Variants in ADGRB2 observed in about 807,000 individuals in gnomAD.
ADGRB2 encodes the protein brain-specific angiogenesis inhibitor 2.
Under a neutral mutation model 178.7 loss-of-function variants are expected in ADGRB2, and 47 were observed. The observed-to-expected ratio is 0.26, with a 90% confidence interval of 0.21 to 0.34. The LOEUF (loss-of-function observed/expected upper bound fraction) is 0.34, where lower values mean the gene tolerates loss of function less well. Among genes scored for constraint, ADGRB2 ranks in the 10% least tolerant of loss-of-function variants. The probability of loss-of-function intolerance (pLI) is 1.00; values close to 1 mark genes in which losing one functional copy is unlikely to be tolerated. For missense variants in ADGRB2, 1,584 were observed against 2,180.8 expected (o/e 0.73, Z 5.45); for synonymous variants, 870 against 912.4 (o/e 0.95, Z 0.84).
Position 31,743,009 on chromosome 1 carries a change from G to A in ADGRB2, c.1088-7C>T, listed in dbSNP as rs1338682423. The A allele has an allele frequency of 6.9e-7, 1 of 1,448,982 alleles. No homozygotes were observed. The highest frequency in any genetic ancestry group is 1.4e-5 in the South Asian group (1 of 72,472). 89.8% of individuals were successfully genotyped at this position (1,448,982 alleles called of 1,614,324 possible). A position where few individuals can be genotyped will look rare whatever the true frequency, so the allele number is the denominator to read the frequency against. ...TCCTCCCACACGCCGTGCACTGCAA[G>A]GAAGCACGTGGCCGGTGGCTGGGCG... On this transcript the variant is annotated splice_region_variant and splice_polypyrimidine_tract_variant and intron_variant, in intron 6 of 32. Transcript: ENST00000373658.
At chr1:31,736,170 T>A (rs563094048) in intron 22 of ADGRB2, 151 bp downstream of exon 22, 2 of 1,014,206 alleles carry the variant, frequency 2.0e-6, no homozygotes, top group Admixed American at 2.0e-5. Flanking sequence ...CCTAGCACAT[T>A]CCCTCAGTCA....
chr1:31,740,613 C>T lies in ADGRB2; in HGVS notation c.1795-72G>A. ...AACCAGACCCTGGCCCATCCCACTC[C>T]AGTCCACCCACTGCTTGCATCCACG... On this transcript the variant is annotated intron_variant, in intron 11 of 32. Coordinates refer to ENST00000373658, the MANE Select transcript of ADGRB2 (RefSeq NM_001364857.2). The surrounding 1 kb of genome is among the most constrained non-coding windows in gnomAD (Gnocchi z 5.9). The T allele has an allele frequency of 1.4e-6, 2 of 1,442,188 alleles. No homozygotes were observed. The highest frequency in any genetic ancestry group is 1.8e-6 in the Non-Finnish European group (2 of 1,081,388). The allele number at this position is 1,442,188 out of a possible 1,614,324, so 89.3% of individuals were successfully genotyped here. A position where few individuals can be genotyped will look rare whatever the true frequency, so the allele number is the denominator to read the frequency against.
At chr1:31,742,641 TGTCAGGGCTAGGGGTCAA>T (rs1299541735) in intron 7 of ADGRB2, among the ~76,000 whole-genome samples, 179 bp downstream of exon 7, 3 of 152,232 alleles carry the variant, frequency 2.0e-5, no homozygotes, top group East Asian at 1.9e-4. Context: ...TACTAACTCA[TGTCAGGGCTAGGGGTCAA>T]GTCAGGGCTA....
rs1199140904 is a variant in ADGRB2 at position 31,733,763 on chromosome 1, G to C, written c.3453-620C>G. On this transcript the variant is annotated intron_variant, in intron 25 of 32. Transcript: ENST00000373658. This position sits in a 1 kb window ranked among gnomAD's most constrained non-coding sequence, Gnocchi z 4.3. ...CTCAGAGCCTTGGGCAGAAGGCTCA[G>C]AGCTGGGGCTAAAAGCTGGGGTCGG... 6.6e-6 allele frequency among the ~76,000 whole-genome samples: 1 copy of C among 152,164 alleles called. No homozygotes were observed. Among genetic ancestry groups the C allele is most frequent in the Non-Finnish European group, 1.5e-5 (1 of 68,022 alleles).
chr1:31,759,380 T>C lies in ADGRB2; in HGVS notation c.-190-1869A>G. On this transcript the variant is annotated intron_variant, in intron 1 of 32. Coordinates refer to ENST00000373658, the MANE Select transcript of ADGRB2 (RefSeq NM_001364857.2). This position sits in a 1 kb window ranked among gnomAD's most constrained non-coding sequence, Gnocchi z 4.3. ...CAGCTAAGTGTCAGGCAGGATCCTC[T>C]GCGGGGTCTTCCTTTGCATGTCTGA... 1 of 779,670 alleles carries C rather than the reference T, an allele frequency of 1.3e-6. No individual in the cohort carries two copies. 48.3% of individuals were successfully genotyped at this position (779,670 alleles called of 1,614,324 possible).
chr1:31,751,480 A>C (rs576112544), intron 4 of ADGRB2, among the ~76,000 whole-genome samples: 1 of 152,264 alleles, frequency 6.6e-6, no homozygotes, highest in Admixed American at 6.5e-5. Context: ...AATCCTTCCA[A>C]CTGCATGAGA....
At chr1:31,743,146 G>C (rs969675159) in intron 6 of ADGRB2, 144 bp from the exon 7 acceptor site, 1 of 998,918 alleles carries the variant, frequency 1.0e-6, no homozygotes, top group African/African-American at 1.7e-5. Flanking sequence ...TTGCCAGGGG[G>C]ATCTCCCAGG....
In ADGRB2 at chr1:31,759,926, C is replaced by T. The variant is rs1269059121; in HGVS notation, c.-190-2415G>A. ...GTTTCCCTCTCTGTGCAATGCAGACCATGAGCCTTGCCCTGGGGATGGCAG... is the reference window on the plus strand; with the variant it reads ...GTTTCCCTCTCTGTGCAATGCAGACTATGAGCCTTGCCCTGGGGATGGCAG... On this transcript the variant is annotated intron_variant, in intron 1 of 32. Coordinates refer to ENST00000373658, the MANE Select transcript of ADGRB2 (RefSeq NM_001364857.2). This position sits in a 1 kb window ranked among gnomAD's most constrained non-coding sequence, Gnocchi z 4.3. 6.6e-6 allele frequency among the ~76,000 whole-genome samples: 1 copy of T among 152,186 alleles called. No homozygotes were observed. Among genetic ancestry groups the T allele is most frequent in the Non-Finnish European group, 1.5e-5 (1 of 68,046 alleles).
In ADGRB2 at chr1:31,756,965, G is replaced by C. The variant is rs890050839; in HGVS notation, c.22-150C>G. 3 of 1,080,400 alleles carry C rather than the reference G, an allele frequency of 2.8e-6. No homozygotes were observed. The African/African-American group carries it at 4.8e-5, about 17-fold the overall frequency. The allele number at this position is 1,080,400 out of a possible 1,614,324, so 66.9% of individuals were successfully genotyped here. A position where few individuals can be genotyped will look rare whatever the true frequency, so the allele number is the denominator to read the frequency against. Reference sequence around the variant, plus strand: ...TCCACCTGTGTGAACTTAGACAAGGGACTTGACCTCTCTGAGCCTCAGTTT... The same window carrying C: ...TCCACCTGTGTGAACTTAGACAAGGCACTTGACCTCTCTGAGCCTCAGTTT... On this transcript the variant is annotated intron_variant, in intron 3 of 32. Coordinates refer to ENST00000373658, the MANE Select transcript of ADGRB2 (RefSeq NM_001364857.2). This position sits in a 1 kb window ranked among gnomAD's most constrained non-coding sequence, Gnocchi z 8.5.
In ADGRB2 at chr1:31,737,726, G is replaced by T. The variant is rs1352679171; in HGVS notation, c.2802C>A (p.Val934=). The change falls in exon 19 of 33, where the codon GTC becomes GTA. Residue 934 remains valine (V), a synonymous_variant. Transcript: ENST00000373658. The part of the protein sequence containing the change: ...LTLELAGSPS[V]PLVIGCAVSC... ...ACACTGCACAGCCGATCACCAGGGG[G>T]ACCGAGGGGGAGCCCGCCAGCTCCA... is the stretch of plus-strand genomic sequence containing the variant. 1 of 1,613,656 alleles carries T rather than the reference G, an allele frequency of 6.2e-7. No homozygotes were observed. Among genetic ancestry groups the T allele is most frequent in the Non-Finnish European group, 8.5e-7 (1 of 1,180,012 alleles).
At chr1:31,731,483 C>T in intron 28 of ADGRB2, 64 bp from the exon 29 acceptor site, 4 of 1,514,190 alleles carry the variant, frequency 2.6e-6, no homozygotes, top group South Asian at 1.3e-5. Flanking sequence ...GATGCCATTG[C>T]CCAGGCTGGG....
At chr1:31,742,437 G>A (rs1646026993) in intron 7 of ADGRB2, among the ~76,000 whole-genome samples, 1 of 152,170 alleles carries the variant, frequency 6.6e-6, no homozygotes, top group Non-Finnish European at 1.5e-5. Context: ...CAGAAATACA[G>A]GACACCTCTC....
Position 31,759,220 on chromosome 1 carries a change from G to C in ADGRB2, c.-190-1709C>G. 1 of 759,006 alleles carries C rather than the reference G, an allele frequency of 1.3e-6. No individual in the cohort carries two copies. The highest frequency in any genetic ancestry group is 2.5e-6 in the Non-Finnish European group (1 of 403,790). The allele number at this position is 759,006 out of a possible 1,614,324, so 47.0% of individuals were successfully genotyped here. ...CAGGTGAAACCCACAGATTCATGCT[G>C]TCACACACACTCAGGAGTTAACACG... On this transcript the variant is annotated intron_variant, in intron 1 of 32. Transcript: ENST00000373658. The surrounding 1 kb of genome is among the most constrained non-coding windows in gnomAD (Gnocchi z 4.3).
At chr1:31,732,920 AG>A in intron 26 of ADGRB2, 51 bp downstream of exon 26, 1 of 1,527,848 alleles carries the variant, frequency 6.5e-7, no homozygotes, top group South Asian at 1.3e-5. Flanking sequence ...GGAGAAGCCA[AG>A]GGCCTGGCAG....
rs987105319 is a variant in ADGRB2, at chr1:31,740,665, G to C, written c.1795-124C>G. On this transcript the variant is annotated intron_variant, in intron 11 of 32. Coordinates refer to ENST00000373658, the MANE Select transcript of ADGRB2 (RefSeq NM_001364857.2). This position sits in a 1 kb window ranked among gnomAD's most constrained non-coding sequence, Gnocchi z 5.9. ...GGAGAGAAAGGGGGAAAAGGTCAGAGAGGCTCAAAGGGGCACACAGGGGAG... is the reference window on the plus strand; with the variant it reads ...GGAGAGAAAGGGGGAAAAGGTCAGACAGGCTCAAAGGGGCACACAGGGGAG... 62 of 1,061,984 alleles carry C rather than the reference G, an allele frequency of 5.8e-5. 2 individuals carry two copies. The South Asian group carries it at 1.0e-3, about 17-fold the overall frequency. 65.8% of individuals were successfully genotyped at this position (1,061,984 alleles called of 1,614,324 possible). A position where few individuals can be genotyped will look rare whatever the true frequency, so the allele number is the denominator to read the frequency against.
At position 31,740,234 on chromosome 1, in the gene ADGRB2, C is replaced by T. The variant is rs559707917; in HGVS notation, c.1990-56G>A. 6 of 1,609,918 alleles carry T rather than the reference C, an allele frequency of 3.7e-6. No homozygotes were observed. In the South Asian group the frequency reaches 6.6e-5, roughly 18 times the overall value. On this transcript the variant is annotated intron_variant, in intron 12 of 32. Coordinates refer to ENST00000373658, the MANE Select transcript of ADGRB2 (RefSeq NM_001364857.2). This position sits in a 1 kb window ranked among gnomAD's most constrained non-coding sequence, Gnocchi z 5.9. The stretch of plus-strand genomic sequence containing the variant: ...CCTAGCCCCAGGGAACAGGGGGCTT[C>T]CCCCACTATAGCCACACTTGCCGCC...
chr1:31,737,319 AC>A lies in ADGRB2; in HGVS notation c.2979+109del, dbSNP rs1645668060. The A allele has an allele frequency of 4.9e-6, 5 of 1,015,052 alleles. No individual in the cohort carries two copies. The South Asian group carries it at 7.0e-5, about 14-fold the overall frequency. 62.9% of individuals were successfully genotyped at this position (1,015,052 alleles called of 1,614,324 possible). A position where few individuals can be genotyped will look rare whatever the true frequency, so the allele number is the denominator to read the frequency against. ...ACACACTCTAATCCCAACATGGGGC[AC>A]ACATACACCACCACTAATGGACGTA... On this transcript the variant is annotated intron_variant, in intron 20 of 32. Transcript: ENST00000373658.
Position 31,744,257 on chromosome 1 carries a change from A to G in ADGRB2, c.1023T>C (p.Tyr341=), listed in dbSNP as rs1646151624. ...VRTRSCVSSP[Y]GTLCSGPLRE... is the part of the protein sequence containing the mutation. ...GCAGGGGCCCGCTGCACAGGGTCCC[A>G]TAGGGGGAGGACACACAGGAGCGGG... The change falls in exon 6 of 33, where the codon TAT becomes TAC. Residue 341 remains tyrosine (Y), a synonymous_variant. Transcript: ENST00000373658. The surrounding 1 kb of genome is among the most constrained non-coding windows in gnomAD (Gnocchi z 6.7). The G allele has an allele frequency of 1.3e-6, 2 of 1,551,024 alleles. No individual in the cohort carries two copies. The highest frequency in any genetic ancestry group is 2.4e-5 in the South Asian group (2 of 84,052).
rs1646933182 is a variant in ADGRB2, at chr1:31,758,286, A to G, written c.-190-775T>C. 6.6e-6 allele frequency among the ~76,000 whole-genome samples: 1 copy of G among 152,152 alleles called. No individual in the cohort carries two copies. Among genetic ancestry groups the G allele is most frequent in the South Asian group, 2.1e-4 (1 of 4,824 alleles). On this transcript the variant is annotated intron_variant, in intron 1 of 32. Transcript: ENST00000373658. The surrounding 1 kb of genome is among the most constrained non-coding windows in gnomAD (Gnocchi z 4.2). Reference sequence around the variant, plus strand: ...GATCACACAAAGGTGGCCACAGAGGACGCAAGCCCAGGATCTGAGGCCCAG... The same window carrying G: ...GATCACACAAAGGTGGCCACAGAGGGCGCAAGCCCAGGATCTGAGGCCCAG...
Sources: gnomAD v4.1 joint callset for allele counts (sites outside exome capture counted in the v4.1 genomes callset) on GRCh38, gnomAD v4.1.1 for gene constraint, Gnocchi (gnomAD v3.1) non-coding constraint, MANE v1.5 for transcripts, NCBI Gene and HGNC (gene_info 2026-07-23, HGNC 2026-07-21) for gene names.